FRAS1: variants seen among roughly 807,000 people sequenced by gnomAD.
FRAS1 encodes the protein extracellular matrix organizing protein FRAS1.
A neutral mutation model predicts 435.2 loss-of-function variants in FRAS1; 290 were observed. That is an observed-to-expected ratio of 0.67 (90% CI 0.61 to 0.73). The LOEUF (loss-of-function observed/expected upper bound fraction) is 0.73, where lower values mean the gene tolerates loss of function less well. Ranked by LOEUF, FRAS1 falls within the 30% of genes least tolerant of loss-of-function variation. The pLI is 0.00. For missense variants in FRAS1, 4,860 were observed against 5,001.5 expected, an observed-to-expected ratio of 0.97 and a Z score of 0.85; for synonymous variants, 1,800 against 1,851.0, an observed-to-expected ratio of 0.97 and a Z score of 0.71.
intron 35 of FRAS1, 49 bp from the exon 36 acceptor site, chr4:78,429,046 C>CTCTGTGTG (rs1553958950): frequency 2.2e-6 from 3 of 1,393,096 alleles, no homozygotes; most frequent in East Asian, 2.5e-5. Flanking sequence ...GTGCGTGTCT[C>CTCTGTGTG]TGTGTGTGTG....
intron 2 of FRAS1, among the ~76,000 whole-genome samples, chr4:78,188,267 GTCTA>G (rs1289770215): frequency 1.1e-4 from 11 of 99,892 alleles, no homozygotes; most frequent in Admixed American, 5.1e-4. Flanking sequence ...CAGTAGGACA[GTCTA>G]TCTGTCTGTC....
chr4:78,530,348 G>A (rs1481644421), intron 70 of FRAS1, among the ~76,000 whole-genome samples: 1 of 152,086 alleles, frequency 6.6e-6, no homozygotes, highest in Non-Finnish European at 1.5e-5. Flanking sequence ...TGAGGCTTCA[G>A]AGTTGGGGGT....
intron 60 of FRAS1, among the ~76,000 whole-genome samples, chr4:78,498,663 C>T (rs751028065): frequency 6.6e-6 from 1 of 151,994 alleles, no homozygotes; most frequent in Non-Finnish European, 1.5e-5. Flanking sequence ...GAAATAAATA[C>T]AGAAAGTAGA....
chr4:78,118,191 G>A (rs1718769850), intron 2 of FRAS1, among the ~76,000 whole-genome samples: 2 of 152,204 alleles, frequency 1.3e-5, no homozygotes, highest in Non-Finnish European at 2.9e-5. Context: ...TGCTCTGGAA[G>A]TTTTGTGTCA....
chr4:78,363,503 C>A lies in FRAS1; in HGVS notation c.2423-10C>A, dbSNP rs1163863281. The A allele has an allele frequency of 6.2e-7, 1 of 1,604,124 alleles. No individual in the cohort carries two copies. Among genetic ancestry groups the A allele is most frequent in the Admixed American group, 1.7e-5 (1 of 59,604 alleles). Reference sequence around the variant, plus strand: ...CCCGTGCCTTCTCTGTGCTCCCCTTCCCCCTCCAGACTGCCATCACCTGTG... The same window carrying A: ...CCCGTGCCTTCTCTGTGCTCCCCTTACCCCTCCAGACTGCCATCACCTGTG... On this transcript the variant is annotated splice_polypyrimidine_tract_variant and intron_variant, in intron 20 of 73. Coordinates refer to ENST00000512123, the MANE Select transcript of FRAS1 (RefSeq NM_025074.7).
intron 24 of FRAS1, among the ~76,000 whole-genome samples, chr4:78,373,677 C>T (rs2110310347): frequency 6.6e-6 from 1 of 151,874 alleles, no homozygotes; most frequent in East Asian, 1.9e-4. Flanking sequence ...CTCAGGAAGG[C>T]TAAGCCAGAA....
At chr4:78,116,448 T>G (rs566785050) in intron 2 of FRAS1, among the ~76,000 whole-genome samples, 3 of 152,330 alleles carry the variant, frequency 2.0e-5, no homozygotes, top group Admixed American at 6.5e-5. Context: ...TTTCCCATTA[T>G]TATTGTGTGG....
intron 31 of FRAS1, among the ~76,000 whole-genome samples, chr4:78,410,538 T>A (rs1452469263): frequency 6.6e-6 from 1 of 152,150 alleles, no homozygotes; most frequent in Non-Finnish European, 1.5e-5. Context: ...TCTTCACACA[T>A]TTTGCTCAAA....
intron 6 of FRAS1, among the ~76,000 whole-genome samples, chr4:78,257,870 G>A (rs1725862117): frequency 6.6e-6 from 1 of 152,142 alleles, no homozygotes; most frequent in Non-Finnish European, 1.5e-5. Flanking sequence ...TTCAACTTTT[G>A]TCCAGATTCT....
At chr4:78,477,196 TG>T (rs1224137201) in intron 54 of FRAS1, among the ~76,000 whole-genome samples, 13 of 152,240 alleles carry the variant, frequency 8.5e-5, no homozygotes, top group African/African-American at 3.1e-4. Context: ...TTCAGTACAC[TG>T]GAATTCTATG....
chr4:78,380,028 C>T, intron 27 of FRAS1, 32 bp downstream of exon 27: 2 of 1,600,464 alleles, frequency 1.2e-6, no homozygotes, highest in Non-Finnish European at 1.7e-6. Flanking sequence ...TTCTTCCTGC[C>T]TCCTTTCCAT....
chr4:78,412,781 T>A (rs1733392063), intron 31 of FRAS1, among the ~76,000 whole-genome samples, 188 bp from the exon 32 acceptor site: 1 of 152,102 alleles, frequency 6.6e-6, no homozygotes, highest in South Asian at 2.1e-4. Context: ...ATGAAATCAG[T>A]AAAAGATCAA....
intron 38 of FRAS1, among the ~76,000 whole-genome samples, chr4:78,436,044 A>G (rs1214580444): frequency 1.3e-5 from 2 of 152,216 alleles, no homozygotes; most frequent in Admixed American, 6.5e-5. Flanking sequence ...TATATTAAAA[A>G]TTAAATTTGT....
chr4:78,455,474 C>G (rs1719164188), intron 47 of FRAS1, among the ~76,000 whole-genome samples: 1 of 152,044 alleles, frequency 6.6e-6, no homozygotes, highest in South Asian at 2.1e-4. Flanking sequence ...AGGCCAGTGT[C>G]TGTAGTACAG....
chr4:78,270,079 G>A (rs1726574840), intron 9 of FRAS1, among the ~76,000 whole-genome samples: 2 of 152,130 alleles, frequency 1.3e-5, no homozygotes, highest in South Asian at 4.2e-4. Context: ...GAAAGAATTT[G>A]TTTGTTTCTG....
At chr4:78,190,735 T>G (rs1344191366) in intron 2 of FRAS1, among the ~76,000 whole-genome samples, 1 of 151,800 alleles carries the variant, frequency 6.6e-6, no homozygotes. Flanking sequence ...CACAAATGGT[T>G]GTTTGTTTTA....
At position 78,541,379 on chromosome 4, in the gene FRAS1, C is replaced by T; in HGVS notation, c.*255C>T. The T allele has an allele frequency of 3.2e-6, 1 of 315,868 alleles. No homozygotes were observed. Among genetic ancestry groups the T allele is most frequent in the Non-Finnish European group, 5.7e-6 (1 of 174,742 alleles). 19.6% of individuals were successfully genotyped at this position (315,868 alleles called of 1,614,324 possible). ...ACTGTACACAGCTCCTTCTGTAAGGCTGGTCTTAGAAAACAAGTACTTTAG... is the reference window on the plus strand; with the variant it reads ...ACTGTACACAGCTCCTTCTGTAAGGTTGGTCTTAGAAAACAAGTACTTTAG... On this transcript the variant is annotated 3_prime_UTR_variant, in exon 74 of 74. Coordinates refer to ENST00000512123, the MANE Select transcript of FRAS1 (RefSeq NM_025074.7).
intron 2 of FRAS1, among the ~76,000 whole-genome samples, chr4:78,126,258 G>T (rs755294400): frequency 6.6e-6 from 1 of 152,090 alleles, no homozygotes; most frequent in Non-Finnish European, 1.5e-5. Flanking sequence ...CCATGGGCAA[G>T]GCACAGTATT....
intron 22 of FRAS1, among the ~76,000 whole-genome samples, chr4:78,365,111 T>C (rs2110297930): frequency 6.6e-6 from 1 of 152,326 alleles, no homozygotes; most frequent in African/African-American, 2.4e-5. Context: ...CATCATCATC[T>C]AAAATGAGAG....
Sources: gnomAD v4.1 joint callset for allele counts (sites outside exome capture counted in the v4.1 genomes callset) on GRCh38, gnomAD v4.1.1 for gene constraint, MANE v1.5 for transcripts, NCBI Gene and HGNC (gene_info 2026-07-23, HGNC 2026-07-21) for gene names.